The following ARMH3 variants were observed in gnomAD, a reference collection of about 807,000 sequenced individuals.
The protein encoded by ARMH3 is armadillo like helical domain containing 3, also known as armadillo-like helical domain-containing protein 3.
Under a neutral mutation model 99.1 loss-of-function variants are expected in ARMH3, and 60 were observed. That is an observed-to-expected ratio of 0.61 (90% CI 0.49 to 0.75). The LOEUF is 0.75. Among genes scored for constraint, ARMH3 ranks in the 30% least tolerant of loss-of-function variants. ARMH3 has a pLI of 0.00. For synonymous variants in ARMH3, 285 were observed against 292.8 expected, an observed-to-expected ratio of 0.97 and a Z score of 0.27; for missense variants, 679 against 843.1, an observed-to-expected ratio of 0.81 and a Z score of 2.41.
rs571136455 is a variant in ARMH3, at chr10:101,866,961, C to T, written c.1861-17069G>A. Among the ~76,000 whole-genome samples the T allele has an allele frequency of 2.0e-5, 3 of 152,054 alleles. No homozygotes were observed. In the South Asian group the frequency reaches 6.2e-4, roughly 32 times the overall value. On this transcript the variant is annotated intron_variant, in intron 24 of 25. Transcript: ENST00000370033. Reference sequence around the variant, plus strand: ...AATGAACAAAGAAAATCACTGTAGACAAAAGTACCCTATTCTGAAAAAAAA... The same window carrying T: ...AATGAACAAAGAAAATCACTGTAGATAAAAGTACCCTATTCTGAAAAAAAA...
chr10:101,946,054 AGAGT>A (rs1170929463), intron 22 of ARMH3, among the ~76,000 whole-genome samples: 5 of 126,986 alleles, frequency 3.9e-5, no homozygotes, highest in Admixed American at 8.5e-5. Context: ...CCTGGGCGAC[AGAGT>A]AAGACTCTGC....
chr10:102,035,687 G>T (rs2067239333), intron 2 of ARMH3, among the ~76,000 whole-genome samples: 1 of 152,258 alleles, frequency 6.6e-6, no homozygotes. Context: ...ATTGCAGACG[G>T]AGTCTCGTTC....
chr10:101,900,048 C>T (rs999836360), intron 23 of ARMH3, among the ~76,000 whole-genome samples: 1 of 152,160 alleles, frequency 6.6e-6, no homozygotes, highest in Non-Finnish European at 1.5e-5. Flanking sequence ...AATCCATTCC[C>T]CTTATGTCTA....
At chr10:102,045,667 A>G (rs2067531420) in intron 1 of ARMH3, among the ~76,000 whole-genome samples, 1 of 152,196 alleles carries the variant, frequency 6.6e-6, no homozygotes, top group African/African-American at 2.4e-5. Context: ...TTTTTTTAAT[A>G]TATAAGAAGA....
At chr10:101,996,850 T>A (rs542639068) in intron 15 of ARMH3, among the ~76,000 whole-genome samples, 1 of 152,210 alleles carries the variant, frequency 6.6e-6, no homozygotes, top group Non-Finnish European at 1.5e-5. Flanking sequence ...TAGATATACA[T>A]GGTTTTTACA....
At chr10:102,041,861 G>A (rs980665485) in intron 1 of ARMH3, among the ~76,000 whole-genome samples, 1 of 151,924 alleles carries the variant, frequency 6.6e-6, no homozygotes, top group African/African-American at 2.4e-5. Context: ...TGTTGGCCAG[G>A]CTGCTCTCAA....
intron 13 of ARMH3, among the ~76,000 whole-genome samples, chr10:102,008,543 ATGTTT>A: frequency 6.7e-6 from 1 of 150,000 alleles, no homozygotes; most frequent in African/African-American, 2.5e-5. Flanking sequence ...TTATTTTGTT[ATGTTT>A]TGTTTTTATT....
chr10:102,044,736 T>C (rs1422619844), intron 1 of ARMH3, among the ~76,000 whole-genome samples: 1 of 152,012 alleles, frequency 6.6e-6, no homozygotes, highest in Non-Finnish European at 1.5e-5. Flanking sequence ...AAAAACAATG[T>C]TATAGCTAGA....
At chr10:101,984,872 C>A (rs1419540107) in intron 19 of ARMH3, among the ~76,000 whole-genome samples, 3 of 151,768 alleles carry the variant, frequency 2.0e-5, no homozygotes, top group Non-Finnish European at 2.9e-5. Flanking sequence ...AATTCAAGAC[C>A]AGCCTGGCCA....
chr10:101,866,482 TAAA>T (rs58252053), intron 24 of ARMH3, among the ~76,000 whole-genome samples: 3 of 126,788 alleles, frequency 2.4e-5, no homozygotes, highest in Non-Finnish European at 1.6e-5. Flanking sequence ...AGGACAAGTG[TAAA>T]AAAAAAAAAA....
chr10:101,930,062 T>C (rs994677427), intron 23 of ARMH3, among the ~76,000 whole-genome samples: 4 of 152,180 alleles, frequency 2.6e-5, no homozygotes, highest in Non-Finnish European at 4.4e-5. Flanking sequence ...TTTTCAGATC[T>C]GAGATGCTCA....
intron 22 of ARMH3, among the ~76,000 whole-genome samples, chr10:101,956,338 G>A (rs1845035286): frequency 6.6e-6 from 1 of 151,938 alleles, no homozygotes; most frequent in African/African-American, 2.4e-5. Flanking sequence ...GAATCCACAA[G>A]CCTCCCTATT....
intron 2 of ARMH3, among the ~76,000 whole-genome samples, chr10:102,034,437 C>T (rs2067201468): frequency 6.6e-6 from 1 of 151,256 alleles, no homozygotes; most frequent in African/African-American, 2.4e-5. Flanking sequence ...GAGATCGAGA[C>T]CATCCTGGCT....
rs537350304 is a variant in ARMH3, at chr10:102,040,015, T to G, written c.100A>C (p.Met34Leu). 6.2e-7 allele frequency: 1 copy of G among 1,613,640 alleles called. No homozygotes were observed. Among genetic ancestry groups the G allele is most frequent in the Non-Finnish European group, 8.5e-7 (1 of 1,179,524 alleles). The change falls in exon 2 of 26, where the codon ATG becomes CTG. Residue 34 changes from methionine (M) to leucine (L), a missense_variant and splice_region_variant. By Grantham distance (15) the Met-to-Leu change is conservative. Coordinates refer to ENST00000370033, the MANE Select transcript of ARMH3 (RefSeq NM_024541.3). Reference sequence around the variant, plus strand: ...CACAACAAGGCCGCAGGCCTTACCATGAAGATCTCATCATACATCAGCACC... The same window carrying G: ...CACAACAAGGCCGCAGGCCTTACCAGGAAGATCTCATCATACATCAGCACC... ...KVVLMYDEIF[M>L]TEDPSKCSPR...
intron 20 of ARMH3, among the ~76,000 whole-genome samples, chr10:101,966,287 T>G (rs1393920628): frequency 3.1e-4 from 9 of 29,458 alleles, no homozygotes; most frequent in African/African-American, 5.6e-4. Context: ...TGGTTTGGGT[T>G]TTTTTTTTTT....
intron 15 of ARMH3, among the ~76,000 whole-genome samples, chr10:101,999,868 A>G (rs2136051718): frequency 6.6e-6 from 1 of 152,090 alleles, no homozygotes; most frequent in East Asian, 1.9e-4. Flanking sequence ...GCGGATCACA[A>G]GGTCAGGGGT....
chr10:101,910,527 C>T (rs541593130), intron 23 of ARMH3, among the ~76,000 whole-genome samples: 6 of 151,738 alleles, frequency 4.0e-5, no homozygotes, highest in African/African-American at 1.5e-4. Flanking sequence ...GTCAGGAGTT[C>T]GAGACCAGCC....
chr10:101,965,892 T>C (rs1411593695), intron 20 of ARMH3, among the ~76,000 whole-genome samples: 1 of 152,166 alleles, frequency 6.6e-6, no homozygotes. Flanking sequence ...GTTCCCTTCC[T>C]TGGGGAGTCC....
chr10:101,950,730 T>C (rs1401632937), intron 22 of ARMH3, among the ~76,000 whole-genome samples: 2 of 152,212 alleles, frequency 1.3e-5, no homozygotes, highest in African/African-American at 4.8e-5. Context: ...TTCATTTATA[T>C]AAAATGTCCA....
Sources: allele counts gnomAD v4.1 joint callset (sites outside exome capture counted in the v4.1 genomes callset), GRCh38; gene constraint gnomAD v4.1.1; transcripts MANE v1.5; gene names NCBI Gene and HGNC (gene_info 2026-07-23, HGNC 2026-07-21).